RAF1: variants seen among roughly 807,000 people sequenced by gnomAD.
RAF1 encodes Raf-1 proto-oncogene, serine/threonine kinase, also known as RAF proto-oncogene serine/threonine-protein kinase.
In RAF1, 27 loss-of-function variants were observed where a neutral mutation model predicts 81.1. The ratio of observed to expected loss-of-function variants is 0.33; its 90% CI spans 0.25 to 0.46. The LOEUF is 0.46. Ranked by LOEUF, RAF1 falls within the 20% of genes least tolerant of loss-of-function variation. The pLI, the probability that RAF1 is intolerant of heterozygous loss-of-function variation, is 1.00. For missense variants in RAF1, 598 were observed against 826.0 expected, an observed-to-expected ratio of 0.72 and a Z score of 3.38; for synonymous variants, 298 against 294.0, an observed-to-expected ratio of 1.01 and a Z score of -0.14.
At chr3:12,612,112 T>C in intron 2 of RAF1, 50 bp from the exon 3 acceptor site, 1 of 1,425,472 alleles carries the variant, frequency 7.0e-7, no homozygotes, top group Non-Finnish European at 9.9e-7. Context: ...CAGCACCCCT[T>C]GGAAAGGTGG....
At chr3:12,651,021 A>G (rs1196139300) in intron 1 of RAF1, among the ~76,000 whole-genome samples, 2 of 152,232 alleles carry the variant, frequency 1.3e-5, no homozygotes, top group Non-Finnish European at 2.9e-5. Flanking sequence ...TAAAGAAATG[A>G]GCCTGATGAA....
chr3:12,658,240 ATAAAT>A (rs2060762978), intron 1 of RAF1, among the ~76,000 whole-genome samples: 1 of 152,230 alleles, frequency 6.6e-6, no homozygotes, highest in African/African-American at 2.4e-5. Context: ...AGTTTAACAT[ATAAAT>A]TAGGCACAGT....
chr3:12,640,020 G>C (rs1401661573), intron 1 of RAF1, among the ~76,000 whole-genome samples: 1 of 152,064 alleles, frequency 6.6e-6, no homozygotes, highest in East Asian at 1.9e-4. Flanking sequence ...CCAAAACAGA[G>C]ATAGAGACCA....
intron 5 of RAF1, among the ~76,000 whole-genome samples, chr3:12,607,267 C>G (rs1052363566): frequency 5.3e-5 from 8 of 152,170 alleles, no homozygotes; most frequent in African/African-American, 1.9e-4. Context: ...AAGGTAATAT[C>G]CCCTTTATTC....
intron 10 of RAF1, 64 bp downstream of exon 9, chr3:12,600,088 A>C: frequency 1.9e-6 from 3 of 1,602,866 alleles, no homozygotes; most frequent in Non-Finnish European, 2.6e-6. Context: ...TAAGTATTCT[A>C]ATTTCCAACG....
intron 2 of RAF1, among the ~76,000 whole-genome samples, chr3:12,616,046 C>T (rs1353345858): frequency 1.3e-5 from 2 of 151,758 alleles, no homozygotes; most frequent in Non-Finnish European, 2.9e-5. Context: ...TGAGAGCCTC[C>T]ATCTAAAAAA....
intron 1 of RAF1, among the ~76,000 whole-genome samples, chr3:12,642,715 C>CAA (rs1289229985): frequency 6.7e-6 from 1 of 148,454 alleles, no homozygotes; most frequent in African/African-American, 2.5e-5. Context: ...CACACACACA[C>CAA]ACACAAAATA....
chr3:12,640,389 G>C (rs2060148846), intron 1 of RAF1, among the ~76,000 whole-genome samples: 1 of 152,122 alleles, frequency 6.6e-6, no homozygotes, highest in South Asian at 2.1e-4. Flanking sequence ...AAACTAAAGA[G>C]CTTCTGCACA....
At chr3:12,587,293 G>C in intron 14 of RAF1, 1 of 470,334 alleles carries the variant, frequency 2.1e-6, no homozygotes, top group East Asian at 3.5e-5. Context: ...TTTACTAATA[G>C]TGTGATAAAA....
chr3:12,601,811 C>A (rs2058870926), intron 8 of RAF1, among the ~76,000 whole-genome samples: 1 of 152,148 alleles, frequency 6.6e-6, no homozygotes, highest in Non-Finnish European at 1.5e-5. Context: ...GTGATTCTGA[C>A]TCTGGAAAGA....
At chr3:12,588,601 C>G (rs1261146871) in intron 13 of RAF1, 1 of 152,198 alleles carries the variant, frequency 6.6e-6, no homozygotes, top group South Asian at 2.1e-4. Context: ...GTATTATAAT[C>G]TTGTGGGACC....
intron 15 of RAF1, 102 bp downstream of exon 14, chr3:12,585,579 T>A: frequency 7.3e-7 from 1 of 1,374,954 alleles, no homozygotes; most frequent in South Asian, 1.2e-5. Context: ...GTCATGTGGA[T>A]TTCGGGGAAA....
intron 13 of RAF1, chr3:12,590,518 T>G: frequency 2.3e-6 from 1 of 435,650 alleles, no homozygotes. Flanking sequence ...AGAAACAGGG[T>G]TTTGCCATAT....
At chr3:12,600,992 G>A (rs1209140635) in intron 8 of RAF1, among the ~76,000 whole-genome samples, 4 of 152,228 alleles carry the variant, frequency 2.6e-5, no homozygotes, top group African/African-American at 7.2e-5. Context: ...CAAAGATTGG[G>A]ATTCTTGTTC....
In RAF1 at chr3:12,609,257, A is replaced by G. The variant is rs747303896; in HGVS notation, c.399T>C (p.His133=). ...CAAAGTTGTGTGTTGTGAGGGGAAC[A>G]TGATCCAGGAAATCTACTTGAAGTT... The change falls in exon 4 of 18, where the codon CAT becomes CAC. Residue 133 remains histidine, a synonymous_variant. Transcript: ENST00000442415. 16 of 1,612,372 alleles carry G rather than the reference A, an allele frequency of 9.9e-6. No homozygotes were observed. Among genetic ancestry groups the G allele is most frequent in the Non-Finnish European group, 1.3e-5 (15 of 1,178,382 alleles).
chr3:12,598,753 ACC>A lies in RAF1; in HGVS notation c.1168+936_1168+937del, dbSNP rs764929956. Among the ~76,000 whole-genome samples the A allele has an allele frequency of 8.7e-3, 1,189 of 136,938 alleles. 27 individuals are homozygous for A. Among genetic ancestry groups the A allele is most frequent in the Admixed American group, 0.025 (325 of 12,890 alleles). The allele number at this position is 136,938 out of a possible 152,430, so 89.8% of individuals were successfully genotyped here. ...AAAAAAAAAAAAAAAAAAAAAAAAAACCACCAAGTACTCAAAACTGGAGGTGT... is the reference window on the plus strand; with the variant it reads ...AAAAAAAAAAAAAAAAAAAAAAAAAAACCAAGTACTCAAAACTGGAGGTGT... On this transcript the variant is annotated intron_variant, in intron 11 of 17. Transcript: ENST00000442415.
intron 1 of RAF1, among the ~76,000 whole-genome samples, chr3:12,649,095 CAA>C (rs1056368952): frequency 2.6e-5 from 4 of 151,950 alleles, no homozygotes; most frequent in East Asian, 1.9e-4. Context: ...GCCTGGGTAA[CAA>C]GAGCAAAACT....
intron 11 of RAF1, among the ~76,000 whole-genome samples, chr3:12,596,841 A>C (rs1005549433): frequency 1.3e-5 from 2 of 152,224 alleles, no homozygotes; most frequent in African/African-American, 4.8e-5. Flanking sequence ...AGCATGGCAT[A>C]AAAGTCCACT....
chr3:12,619,012 G>A (rs927188399), intron 1 of RAF1, among the ~76,000 whole-genome samples: 6 of 152,100 alleles, frequency 3.9e-5, no homozygotes, highest in African/African-American at 1.2e-4. Context: ...TTGGGAGGCC[G>A]AGGTGGGTGC....
Sources: gnomAD v4.1 joint callset for allele counts (sites outside exome capture counted in the v4.1 genomes callset) on GRCh38, gnomAD v4.1.1 for gene constraint, MANE v1.5 for transcripts, NCBI Gene and HGNC (gene_info 2026-07-23, HGNC 2026-07-21) for gene names.